The following AQP6 variants were observed in gnomAD, a reference collection of about 807,000 sequenced individuals.
AQP6 encodes aquaporin-6.
AQP6 carries 14 observed loss-of-function variants against 16.3 expected under a neutral mutation model. The observed-to-expected ratio is 0.86, with a 90% confidence interval of 0.57 to 1.34. AQP6 has a LOEUF of 1.34. Ranked by LOEUF, AQP6 falls within the 40% of genes most tolerant of loss-of-function variation. The pLI is 0.00. For missense variants in AQP6, 331 were observed against 379.7 expected (o/e 0.87, Z 1.07); for synonymous variants, 178 against 166.8 (o/e 1.07, Z -0.52).
At position 49,975,660 on chromosome 12, in the gene AQP6, G is replaced by GA; in HGVS notation, c.839dup (p.Ser281GlufsTer34). ...GCCGGGTTCGGGAGCCGTGGAGATG[G>GA]AGAGTGTGTGAAACAGCCTACGCCT... On this transcript the variant is annotated frameshift_variant, in exon 4 of 4. Coordinates refer to ENST00000315520, the MANE Select transcript of AQP6 (RefSeq NM_001652.4). LOFTEE classifies it high-confidence loss of function. The surrounding 1 kb of genome is among the most constrained non-coding windows in gnomAD (Gnocchi z 4.4). 6.4e-7 allele frequency: 1 copy of GA among 1,573,072 alleles called. No individual in the cohort carries two copies. The highest frequency in any genetic ancestry group is 8.6e-7 in the Non-Finnish European group (1 of 1,164,646).
intron 1 of AQP6, chr12:49,974,002 T>G: frequency 8.6e-7 from 1 of 1,165,372 alleles, no homozygotes; most frequent in Non-Finnish European, 1.1e-6. Context: ...CTTCTCCATT[T>G]CGTAACCATC....
rs748005233 is a variant in AQP6, at chr12:49,973,507, A to G, written c.334A>G (p.Thr112Ala). 6.2e-7 allele frequency: 1 copy of G among 1,613,654 alleles called. No homozygotes were observed. Among genetic ancestry groups the G allele is most frequent in the Non-Finnish European group, 8.5e-7 (1 of 1,179,896 alleles). ...AYVAAQLVGA[T>A]VGAALLYGVM... is the part of the protein sequence containing the mutation. ...TGTGGCTGCCCAGCTGGTGGGGGCC[A>G]CGGTGGGGGCTGCTCTGCTTTATGG... is the stretch of plus-strand genomic sequence containing the variant. The change falls in exon 1 of 4, where the codon ACG (threonine) becomes GCG (alanine). Residue 112 changes from threonine to alanine, a missense_variant. Transcript: ENST00000315520.
rs1166129645 is a variant in AQP6, at chr12:49,972,983, A to G, written c.-191A>G. Reference sequence around the variant, plus strand: ...TAAGCCCATCCGCCTGCGCCCTGCCAGTCTGACCAGCACAGTCCTGGGGAC... The same window carrying G: ...TAAGCCCATCCGCCTGCGCCCTGCCGGTCTGACCAGCACAGTCCTGGGGAC... On this transcript the variant is annotated 5_prime_UTR_variant, in exon 1 of 4. Coordinates refer to ENST00000315520, the MANE Select transcript of AQP6 (RefSeq NM_001652.4). 2.6e-6 allele frequency: 2 copies of G among 766,636 alleles called. No homozygotes were observed. Among genetic ancestry groups the G allele is most frequent in the Non-Finnish European group, 4.0e-6 (2 of 495,040 alleles). 47.5% of individuals were successfully genotyped at this position (766,636 alleles called of 1,614,324 possible).
At position 49,974,445 on chromosome 12, in the gene AQP6, TGATTGG is replaced by T; in HGVS notation, c.528_533del (p.Gly177_Ile178del). 6.2e-7 allele frequency: 1 copy of T among 1,612,766 alleles called. No individual in the cohort carries two copies. The highest frequency in any genetic ancestry group is 8.5e-7 in the Non-Finnish European group (1 of 1,179,186). On this transcript the variant is annotated inframe_deletion, in exon 2 of 4. Transcript: ENST00000315520. ...CAGACATCAGGCTCCCCGGCCACCA[TGATTGG>T]GATCTCTGTGGCACTGGGCCACCTC...
rs774032718 is a variant in AQP6, at chr12:49,974,811, G to A, written c.627G>A (p.Lys209=). 7 of 1,614,226 alleles carry A rather than the reference G, an allele frequency of 4.3e-6. No individual in the cohort carries two copies. In the Admixed American group the frequency reaches 1.2e-4, roughly 27 times the overall value. ...TCGGCCCTGCCATCATCATTGGGAA[G>A]TTCACAGTCCACTGGGTGAGCCCCT... ...RSFGPAIIIG[K]FTVHWVFWVG... is the part of the protein sequence containing the mutation. Residue 209 remains lysine (K), a synonymous_variant, in exon 3 of 4, where the codon AAG becomes AAA. Transcript: ENST00000315520.
At chr12:49,973,636 G>A (rs1947547766) in intron 1 of AQP6, 61 bp downstream of exon 1, 6 of 1,507,358 alleles carry the variant, frequency 4.0e-6, no homozygotes, top group South Asian at 1.3e-5. Flanking sequence ...AGTGGTGAAG[G>A]TGGAGGCCAG....
Position 49,974,430 on chromosome 12 carries a change from G to GCTC in AQP6, c.511_513dup (p.Ser171dup). 6.2e-7 allele frequency: 1 copy of GCTC among 1,613,584 alleles called. No individual in the cohort carries two copies. Among genetic ancestry groups the GCTC allele is most frequent in the Non-Finnish European group, 8.5e-7 (1 of 1,179,706 alleles). ...TCCACCGACAGCCGTCAGACATCAG[G>GCTC]CTCCCCGGCCACCATGATTGGGATC... On this transcript the variant is annotated inframe_insertion, in exon 2 of 4. Transcript: ENST00000315520.
chr12:49,975,253 C>A lies in AQP6; in HGVS notation c.643-212C>A, dbSNP rs902886547. 1.5e-6 allele frequency: 2 copies of A among 1,349,572 alleles called. No individual in the cohort carries two copies. Among genetic ancestry groups the A allele is most frequent in the Non-Finnish European group, 1.9e-6 (2 of 1,056,762 alleles). The allele number at this position is 1,349,572 out of a possible 1,614,324, so 83.6% of individuals were successfully genotyped here. ...CAGCCACGGCTGCAGAGCCTGGGCTCAGCCCCAGGGAGGGCAGGGAGAGCA... is the reference window on the plus strand; with the variant it reads ...CAGCCACGGCTGCAGAGCCTGGGCTAAGCCCCAGGGAGGGCAGGGAGAGCA... On this transcript the variant is annotated intron_variant, in intron 3 of 3. Coordinates refer to ENST00000315520, the MANE Select transcript of AQP6 (RefSeq NM_001652.4). The surrounding 1 kb of genome is among the most constrained non-coding windows in gnomAD (Gnocchi z 4.4).
In AQP6 at chr12:49,975,727, A is replaced by G; in HGVS notation, c.*56A>G. 1 of 1,286,014 alleles carries G rather than the reference A, an allele frequency of 7.8e-7. No individual in the cohort carries two copies. Among genetic ancestry groups the G allele is most frequent in the East Asian group, 3.8e-5 (1 of 26,044 alleles). The allele number at this position is 1,286,014 out of a possible 1,614,324, so 79.7% of individuals were successfully genotyped here. ...TTCCTGCCTTGCAGGACCTGCCTGGAGGTTCTCCCTGGGGGTGGCGGGAGG... is the reference window on the plus strand; with the variant it reads ...TTCCTGCCTTGCAGGACCTGCCTGGGGGTTCTCCCTGGGGGTGGCGGGAGG... On this transcript the variant is annotated 3_prime_UTR_variant, in exon 4 of 4. Transcript: ENST00000315520. This position sits in a 1 kb window ranked among gnomAD's most constrained non-coding sequence, Gnocchi z 4.4.
At position 49,976,119 on chromosome 12, in the gene AQP6, C is replaced by G. The variant is rs1377128377; in HGVS notation, c.*448C>G. 6.5e-6 allele frequency: 1 copy of G among 154,652 alleles called. No individual in the cohort carries two copies. Among genetic ancestry groups the G allele is most frequent in the East Asian group, 1.9e-4 (1 of 5,244 alleles). 9.6% of individuals were successfully genotyped at this position (154,652 alleles called of 1,614,324 possible). On this transcript the variant is annotated 3_prime_UTR_variant, in exon 4 of 4. Coordinates refer to ENST00000315520, the MANE Select transcript of AQP6 (RefSeq NM_001652.4). ...GGACAGGCTTTCTGGAGGAATCAGG[C>G]CCTGGGACAGCCTCTGAGCTCCTGG...
In AQP6 at chr12:49,975,404, C is replaced by A; in HGVS notation, c.643-61C>A. On this transcript the variant is annotated intron_variant, in intron 3 of 3. Coordinates refer to ENST00000315520, the MANE Select transcript of AQP6 (RefSeq NM_001652.4). This position sits in a 1 kb window ranked among gnomAD's most constrained non-coding sequence, Gnocchi z 4.4. ...CGGCACTGGGGAAGCAGGCAGCGGT[C>A]CCAGAGCCACCCTGTGGTCCTGATA... 6.6e-7 allele frequency: 1 copy of A among 1,521,026 alleles called. No individual in the cohort carries two copies. The highest frequency in any genetic ancestry group is 1.3e-5 in the South Asian group (1 of 75,012). The allele number at this position is 1,521,026 out of a possible 1,614,324, so 94.2% of individuals were successfully genotyped here.
chr12:49,974,843 G>C lies in AQP6; in HGVS notation c.642+17G>C. ...GTCCACTGGGTGAGCCCCTCTGCTG[G>C]CAGCCCTGGGGAGGGAAGGGAGCCT... On this transcript the variant is annotated intron_variant, in intron 3 of 3. Transcript: ENST00000315520. 1 of 1,613,786 alleles carries C rather than the reference G, an allele frequency of 6.2e-7. No individual in the cohort carries two copies. The highest frequency in any genetic ancestry group is 8.5e-7 in the Non-Finnish European group (1 of 1,179,722).
At chr12:49,973,690 C>G (rs1436832998) in intron 1 of AQP6, 115 bp downstream of exon 1, 2 of 1,370,428 alleles carry the variant, frequency 1.5e-6, no homozygotes, top group Admixed American at 2.7e-5. Flanking sequence ...CAGCTGCAGG[C>G]TCCACATCCT....
Position 49,975,872 on chromosome 12 carries a change from C to T in AQP6, c.*201C>T, listed in dbSNP as rs1327966252. ...GTCCCATTCCCTCTCTGTAGGGCTT[C>T]CCCACCTCTCGGTGGGACAGAGCAG... On this transcript the variant is annotated 3_prime_UTR_variant, in exon 4 of 4. Coordinates refer to ENST00000315520, the MANE Select transcript of AQP6 (RefSeq NM_001652.4). The surrounding 1 kb of genome is among the most constrained non-coding windows in gnomAD (Gnocchi z 4.4). The T allele has an allele frequency of 1.6e-6, 1 of 610,896 alleles. No individual in the cohort carries two copies. The highest frequency in any genetic ancestry group is 3.3e-5 in the East Asian group (1 of 29,934). 37.8% of individuals were successfully genotyped at this position (610,896 alleles called of 1,614,324 possible).
chr12:49,974,723 C>T, intron 2 of AQP6, 23 bp from the exon 3 acceptor site: 1 of 1,613,594 alleles, frequency 6.2e-7, no homozygotes, highest in Non-Finnish European at 8.5e-7. Context: ...TTCTCCCACC[C>T]TGACCCTGCA....
rs753183355 is a variant in AQP6, at chr12:49,975,615, C to G, written c.793C>G (p.Pro265Ala). 3 of 1,595,840 alleles carry G rather than the reference C, an allele frequency of 1.9e-6. No homozygotes were observed. Among genetic ancestry groups the G allele is most frequent in the African/African-American group, 1.4e-5 (1 of 73,372 alleles). ...GACAGGGGCAGGGGCAGGGGCGGAG[C>G]CCCTGAAGAAGGAATCCCAGCCGGG... ...VGTGAGAGAE[P>A]LKKESQPGSG... Residue 265 changes from proline (P) to alanine (A), a missense_variant, in exon 4 of 4, where the codon CCC becomes GCC. Coordinates refer to ENST00000315520, the MANE Select transcript of AQP6 (RefSeq NM_001652.4). The surrounding 1 kb of genome is among the most constrained non-coding windows in gnomAD (Gnocchi z 4.4).
rs1947561528 is a variant in AQP6, at chr12:49,975,080, A to G, written c.642+254A>G. On this transcript the variant is annotated intron_variant, in intron 3 of 3. Transcript: ENST00000315520. This position sits in a 1 kb window ranked among gnomAD's most constrained non-coding sequence, Gnocchi z 4.4. Reference sequence around the variant, plus strand: ...TTATTCACTTTCTCCAGCTGGACCAATTTTCAAACTTGGATAAAGAAAAAG... The same window carrying G: ...TTATTCACTTTCTCCAGCTGGACCAGTTTTCAAACTTGGATAAAGAAAAAG... 3 of 1,337,494 alleles carry G rather than the reference A, an allele frequency of 2.2e-6. No individual in the cohort carries two copies. Among genetic ancestry groups the G allele is most frequent in the Non-Finnish European group, 1.9e-6 (2 of 1,047,044 alleles). 82.9% of individuals were successfully genotyped at this position (1,337,494 alleles called of 1,614,324 possible).
At position 49,974,834 on chromosome 12, in the gene AQP6, C is replaced by T. The variant is rs1947559967; in HGVS notation, c.642+8C>T. On this transcript the variant is annotated splice_region_variant and intron_variant, in intron 3 of 3. Transcript: ENST00000315520. Reference sequence around the variant, plus strand: ...AAGTTCACAGTCCACTGGGTGAGCCCCTCTGCTGGCAGCCCTGGGGAGGGA... The same window carrying T: ...AAGTTCACAGTCCACTGGGTGAGCCTCTCTGCTGGCAGCCCTGGGGAGGGA... The T allele has an allele frequency of 2.5e-6, 4 of 1,614,086 alleles. No individual in the cohort carries two copies. The highest frequency in any genetic ancestry group is 3.4e-6 in the Non-Finnish European group (4 of 1,179,924).
At position 49,975,309 on chromosome 12, in the gene AQP6, G is replaced by A. The variant is rs1007706802; in HGVS notation, c.643-156G>A. On this transcript the variant is annotated intron_variant, in intron 3 of 3. Coordinates refer to ENST00000315520, the MANE Select transcript of AQP6 (RefSeq NM_001652.4). This position sits in a 1 kb window ranked among gnomAD's most constrained non-coding sequence, Gnocchi z 4.4. ...CAAGGTCCCCTTACCTTGTGGGCTTGGGAAACACGACTCGTGGTTCTCAAA... is the reference window on the plus strand; with the variant it reads ...CAAGGTCCCCTTACCTTGTGGGCTTAGGAAACACGACTCGTGGTTCTCAAA... 1.4e-6 allele frequency: 2 copies of A among 1,426,678 alleles called. No homozygotes were observed. The highest frequency in any genetic ancestry group is 2.9e-5 in the Admixed American group (1 of 34,616). 88.4% of individuals were successfully genotyped at this position (1,426,678 alleles called of 1,614,324 possible). A position where few individuals can be genotyped will look rare whatever the true frequency, so the allele number is the denominator to read the frequency against.
Sources: allele counts gnomAD v4.1 joint callset, GRCh38; gene constraint gnomAD v4.1.1; non-coding constraint Gnocchi (gnomAD v3.1); transcripts MANE v1.5; gene names NCBI Gene and HGNC (gene_info 2026-07-23, HGNC 2026-07-21).